CDK19: variants seen among roughly 807,000 people sequenced by gnomAD.
The protein encoded by CDK19 is cyclin dependent kinase 19.
In CDK19, 20 loss-of-function variants were observed where a neutral mutation model predicts 68.3. That is an observed-to-expected ratio of 0.29 (90% confidence interval 0.21 to 0.43). CDK19 has a LOEUF of 0.43. Ranked by LOEUF, CDK19 falls within the 20% of genes least tolerant of loss-of-function variation. The probability of loss-of-function intolerance (pLI) is 1.00; values close to 1 mark genes in which losing one functional copy is unlikely to be tolerated. For missense variants in CDK19, 339 were observed against 623.5 expected (o/e 0.54, Z 4.86); for synonymous variants, 221 against 222.8 (o/e 0.99, Z 0.07).
At chr6:110,735,890 T>C (rs558605828) in intron 2 of CDK19, among the ~76,000 whole-genome samples, 6 of 152,216 alleles carry the variant, frequency 3.9e-5, no homozygotes, top group Admixed American at 6.5e-5. Flanking sequence ...TGAGATTCAG[T>C]TGATACTGCA....
chr6:110,682,340 C>A (rs1433547525), intron 2 of CDK19, among the ~76,000 whole-genome samples: 2 of 152,280 alleles, frequency 1.3e-5, no homozygotes, highest in South Asian at 2.1e-4. Flanking sequence ...TCCCAAAGAA[C>A]TGAAGGTAAA....
intron 5 of CDK19, among the ~76,000 whole-genome samples, chr6:110,634,918 C>T (rs1017016639): frequency 2.6e-5 from 4 of 152,108 alleles, no homozygotes; most frequent in African/African-American, 9.7e-5. Context: ...GCAATCAAGG[C>T]CAGAAGGAAA....
At chr6:110,778,806 A>C (rs1450378654) in intron 1 of CDK19, among the ~76,000 whole-genome samples, 1 of 152,136 alleles carries the variant, frequency 6.6e-6, no homozygotes, top group African/African-American at 2.4e-5. Context: ...ACTGGATGAG[A>C]CACTTCCAAG....
intron 1 of CDK19, among the ~76,000 whole-genome samples, chr6:110,792,153 TAGA>T (rs1781641257): frequency 6.6e-6 from 1 of 151,514 alleles, no homozygotes; most frequent in East Asian, 2.0e-4. Flanking sequence ...GTATGTTTAG[TAGA>T]GACAGGGTTT....
chr6:110,771,736 A>G (rs1341895409), intron 1 of CDK19, among the ~76,000 whole-genome samples: 2 of 152,218 alleles, frequency 1.3e-5, no homozygotes, highest in Non-Finnish European at 2.9e-5. Flanking sequence ...AATGCCTTTA[A>G]CAACATCCAA....
intron 12 of CDK19, 127 bp from the exon 13 acceptor site, chr6:110,614,793 C>G: frequency 1.2e-6 from 1 of 848,480 alleles, no homozygotes; most frequent in Non-Finnish European, 1.8e-6. Flanking sequence ...ACATAGCTGA[C>G]AGCTAACTTA....
intron 4 of CDK19, among the ~76,000 whole-genome samples, chr6:110,661,705 T>A (rs1781629830): frequency 1.3e-5 from 2 of 152,212 alleles, no homozygotes; most frequent in East Asian, 3.8e-4. Flanking sequence ...AGACCTCTAA[T>A]AGAATAAGTT....
rs1582668139 is a variant in CDK19, at chr6:110,613,939, C to T, written c.*596G>A. ...TTTTTGGTTGTAGGTTCCCTCTGTCCCACCGCTTGTCTTTTTATTAGACCT... is the reference window on the plus strand; with the variant it reads ...TTTTTGGTTGTAGGTTCCCTCTGTCTCACCGCTTGTCTTTTTATTAGACCT... On this transcript the variant is annotated 3_prime_UTR_variant, in exon 13 of 13. Transcript: ENST00000368911. 3.3e-5 allele frequency: 5 copies of T among 152,558 alleles called. No homozygotes were observed. In the South Asian group the frequency reaches 1.0e-3, roughly 32 times the overall value. The allele number at this position is 152,558 out of a possible 1,614,324, so 9.5% of individuals were successfully genotyped here. A position where few individuals can be genotyped will look rare whatever the true frequency, so the allele number is the denominator to read the frequency against.
chr6:110,775,419 A>G (rs1780331743), intron 1 of CDK19, among the ~76,000 whole-genome samples: 1 of 152,208 alleles, frequency 6.6e-6, no homozygotes, highest in African/African-American at 2.4e-5. Flanking sequence ...CGTAAAAGAA[A>G]AAAGGAGAAA....
chr6:110,690,571 T>C (rs917548833), intron 2 of CDK19, among the ~76,000 whole-genome samples: 1 of 152,140 alleles, frequency 6.6e-6, no homozygotes, highest in Non-Finnish European at 1.5e-5. Flanking sequence ...AAGCTTAAAA[T>C]AGTCACCCTA....
chr6:110,636,592 T>C (rs1022877738), intron 5 of CDK19, among the ~76,000 whole-genome samples: 2 of 152,212 alleles, frequency 1.3e-5, no homozygotes, highest in African/African-American at 2.4e-5. Flanking sequence ...CCACTTGATT[T>C]GGTAAAGTAG....
intron 1 of CDK19, among the ~76,000 whole-genome samples, chr6:110,757,421 A>G (rs905130461): frequency 2.6e-5 from 4 of 152,236 alleles, no homozygotes; most frequent in African/African-American, 7.2e-5. Context: ...CTCAAAGCAT[A>G]TAACAATCAA....
chr6:110,686,720 T>A (rs889065741), intron 2 of CDK19, among the ~76,000 whole-genome samples: 7 of 152,202 alleles, frequency 4.6e-5, no homozygotes, highest in Admixed American at 1.3e-4. Context: ...TTCAAAAAAA[T>A]TAGATTTCTC....
At chr6:110,800,822 T>C (rs1214114813) in intron 1 of CDK19, among the ~76,000 whole-genome samples, 3 of 152,124 alleles carry the variant, frequency 2.0e-5, no homozygotes, top group South Asian at 2.1e-4. Flanking sequence ...GAGCCATCTA[T>C]GACAAAGCCA....
At chr6:110,753,438 C>T (rs770097799) in intron 1 of CDK19, among the ~76,000 whole-genome samples, 33 of 151,718 alleles carry the variant, frequency 2.2e-4, no homozygotes, top group Non-Finnish European at 4.0e-4. Flanking sequence ...GATTGGAGTG[C>T]AGTAGCGCGA....
chr6:110,680,997 AAAATAAAT>A (rs1214288830), intron 2 of CDK19, among the ~76,000 whole-genome samples: 1 of 151,826 alleles, frequency 6.6e-6, no homozygotes, highest in African/African-American at 2.4e-5. Context: ...ACTCTGTCTC[AAAATAAAT>A]AAATAAATAA....
rs141981887 is a variant in CDK19, at chr6:110,612,059, C to A, written c.*2476G>T. The A allele has an allele frequency of 2.0e-5, 3 of 152,298 alleles. No individual in the cohort carries two copies. The highest frequency in any genetic ancestry group is 7.2e-5 in the African/African-American group (3 of 41,560). The allele number at this position is 152,298 out of a possible 1,614,324, so 9.4% of individuals were successfully genotyped here. ...CAAAAGTCATTATATACAAGGAAAACAGGGTAGTTCTGTGAATGTATAAGC... is the reference window on the plus strand; with the variant it reads ...CAAAAGTCATTATATACAAGGAAAAAAGGGTAGTTCTGTGAATGTATAAGC... On this transcript the variant is annotated 3_prime_UTR_variant, in exon 13 of 13. Transcript: ENST00000368911.
chr6:110,802,863 G>C (rs1782433049), intron 1 of CDK19, among the ~76,000 whole-genome samples: 1 of 152,214 alleles, frequency 6.6e-6, no homozygotes, highest in Admixed American at 6.5e-5. Flanking sequence ...GGGGTAGTAT[G>C]ATTTCACAAA....
chr6:110,778,019 T>G (rs1305676509), intron 1 of CDK19, among the ~76,000 whole-genome samples: 1 of 152,122 alleles, frequency 6.6e-6, no homozygotes, highest in Non-Finnish European at 1.5e-5. Flanking sequence ...GGTCCAGAGT[T>G]TCAGATTTGT....
Sources: allele counts gnomAD v4.1 joint callset (sites outside exome capture counted in the v4.1 genomes callset), GRCh38; gene constraint gnomAD v4.1.1; transcripts MANE v1.5; gene names NCBI Gene and HGNC (gene_info 2026-07-23, HGNC 2026-07-21).